CNTN6: variants seen among roughly 807,000 people sequenced by gnomAD.
CNTN6 encodes contactin-6.
A neutral mutation model predicts 122.8 loss-of-function variants in CNTN6; 137 were observed. That is an observed-to-expected ratio of 1.12 (90% CI 0.97 to 1.29). The LOEUF is 1.29. Among genes scored for constraint, CNTN6 ranks in the 50% most tolerant of loss-of-function variants. CNTN6 has a pLI of 0.00. For synonymous variants in CNTN6, 570 were observed against 426.0 expected (o/e 1.34, Z -4.16); for missense variants, 1,634 against 1,223.4 (o/e 1.34, Z -5.01).
intron 4 of CNTN6, among the ~76,000 whole-genome samples, chr3:1,245,770 A>C (rs957161550): frequency 1.3e-5 from 2 of 152,126 alleles, no homozygotes; most frequent in Non-Finnish European, 2.9e-5. Context: ...AAATACAAAT[A>C]ATAAAGAGTT....
At chr3:1,098,789 CATATAT>C (rs1169127167) in intron 1 of CNTN6, among the ~76,000 whole-genome samples, 11 of 63,264 alleles carry the variant, frequency 1.7e-4, no homozygotes, top group Non-Finnish European at 2.7e-4. Flanking sequence ...CACACACACA[CATATAT>C]ATATATATAT....
chr3:1,325,094 G>A (rs761344070), intron 8 of CNTN6, among the ~76,000 whole-genome samples: 34 of 151,836 alleles, frequency 2.2e-4, no homozygotes, highest in Admixed American at 1.1e-3. Flanking sequence ...TTTCCAACCC[G>A]CCTGTTTCCA....
At chr3:1,213,689 C>A (rs967907573) in intron 2 of CNTN6, among the ~76,000 whole-genome samples, 2 of 151,516 alleles carry the variant, frequency 1.3e-5, no homozygotes, top group African/African-American at 4.8e-5. Flanking sequence ...TAGAAGAATA[C>A]AAATATTTTA....
At chr3:1,369,624 A>G (rs930900248) in intron 12 of CNTN6, among the ~76,000 whole-genome samples, 1 of 152,172 alleles carries the variant, frequency 6.6e-6, no homozygotes, top group African/African-American at 2.4e-5. Flanking sequence ...ATGTGGTGTC[A>G]TAAATGGAAG....
At chr3:1,143,810 G>A (rs1196262179) in intron 1 of CNTN6, among the ~76,000 whole-genome samples, 2 of 152,132 alleles carry the variant, frequency 1.3e-5, no homozygotes, top group African/African-American at 4.8e-5. Flanking sequence ...AGATGATAAA[G>A]GGCAACATTT....
At position 1,341,429 on chromosome 3, in the gene CNTN6, A is replaced by G. The variant is rs542249700; in HGVS notation, c.1365-10895A>G. The stretch of plus-strand genomic sequence containing the variant: ...TAAATATTTCTCTTTGGCCTATTTC[A>G]CTGGATTAATTTAGTTAGGCTTTCC... On this transcript the variant is annotated intron_variant, in intron 11 of 22. Transcript: ENST00000446702. Among the ~76,000 whole-genome samples the G allele has an allele frequency of 1.3e-4, 20 of 152,048 alleles. 1 individual carries two copies. The highest frequency in any genetic ancestry group is 4.6e-4 in the Admixed American group (7 of 15,244).
At chr3:1,272,565 A>G (rs557797783) in intron 4 of CNTN6, among the ~76,000 whole-genome samples, 79 of 152,342 alleles carry the variant, frequency 5.2e-4, no homozygotes, top group Non-Finnish European at 6.5e-4. Flanking sequence ...ATTTTTAACA[A>G]CTCAGCTGAG....
intron 4 of CNTN6, among the ~76,000 whole-genome samples, chr3:1,254,777 G>C (rs1207313265): frequency 6.6e-6 from 1 of 152,104 alleles, no homozygotes; most frequent in Non-Finnish European, 1.5e-5. Context: ...GGAAAATTAA[G>C]GTTCATCAAA....
At chr3:1,304,964 C>T (rs1201161383) in intron 7 of CNTN6, among the ~76,000 whole-genome samples, 1 of 113,688 alleles carries the variant, frequency 8.8e-6, no homozygotes, top group East Asian at 3.2e-4. Context: ...GCACTCCAGC[C>T]TAAAGACAGA....
intron 1 of CNTN6, among the ~76,000 whole-genome samples, chr3:1,137,438 C>T (rs2125123987): frequency 6.6e-6 from 1 of 152,232 alleles, no homozygotes; most frequent in African/African-American, 2.4e-5. Flanking sequence ...TGTTAGACTA[C>T]CAGTTGATGA....
intron 6 of CNTN6, among the ~76,000 whole-genome samples, chr3:1,297,291 T>A (rs1696409248): frequency 6.6e-6 from 1 of 152,166 alleles, no homozygotes; most frequent in South Asian, 2.1e-4. Context: ...GAGATGTCAC[T>A]GATTAAATTA....
At chr3:1,236,819 G>A (rs1181132564) in intron 4 of CNTN6, among the ~76,000 whole-genome samples, 2 of 152,118 alleles carry the variant, frequency 1.3e-5, no homozygotes, top group Non-Finnish European at 2.9e-5. Flanking sequence ...GGTGGCTCAC[G>A]CCTGTAATCC....
At position 1,245,299 on chromosome 3, in the gene CNTN6, TA is replaced by T. The variant is rs2094561522; in HGVS notation, c.358+17307del. 1.2e-3 allele frequency among the ~76,000 whole-genome samples: 6 copies of T among 4,872 alleles called. 2 individuals carry two copies. Among genetic ancestry groups the T allele is most frequent in the Admixed American group, 8.5e-3 (3 of 354 alleles). 3.2% of individuals were successfully genotyped at this position (4,872 alleles called of 152,430 possible). On this transcript the variant is annotated intron_variant, in intron 4 of 22. Coordinates refer to ENST00000446702, the MANE Select transcript of CNTN6 (RefSeq NM_001289080.2). ...TACACACACATATATATATAACATA[TA>T]TATATATATATATATATATATATAT...
intron 7 of CNTN6, among the ~76,000 whole-genome samples, chr3:1,318,854 A>C (rs2125959222): frequency 6.6e-6 from 1 of 151,890 alleles, no homozygotes; most frequent in African/African-American, 2.4e-5. Flanking sequence ...GACAGTGTCC[A>C]AAAAGAGATA....
intron 6 of CNTN6, among the ~76,000 whole-genome samples, chr3:1,297,426 G>A (rs9818777): frequency 0.022 from 3,421 of 152,158 alleles, 146 homozygotes; most frequent in African/African-American, 0.078. Context: ...TGGATTGAAA[G>A]TTTTAAAACT....
At chr3:1,313,208 C>T (rs1393924748) in intron 7 of CNTN6, among the ~76,000 whole-genome samples, 1 of 152,062 alleles carries the variant, frequency 6.6e-6, no homozygotes. Flanking sequence ...AAATTATAGA[C>T]AAGCTGTTAG....
chr3:1,093,343 G>A lies in CNTN6; in HGVS notation c.-83+223G>A, dbSNP rs9876055. Among the ~76,000 whole-genome samples, 245 of 152,176 alleles carry A rather than the reference G, an allele frequency of 1.6e-3. 2 individuals are homozygous for A. Among genetic ancestry groups the A allele is most frequent in the African/African-American group, 5.7e-3 (238 of 41,506 alleles). On this transcript the variant is annotated intron_variant, in intron 1 of 22. Transcript: ENST00000446702. The stretch of plus-strand genomic sequence containing the variant: ...AGAAATGTATTGAATCTGTATTCCG[G>A]GAGGTTAGGATCAAACCAGGGAAAG...
chr3:1,260,793 G>A (rs924288712), intron 4 of CNTN6, among the ~76,000 whole-genome samples: 4 of 151,844 alleles, frequency 2.6e-5, no homozygotes, highest in African/African-American at 4.8e-5. Flanking sequence ...ACCTGATGCC[G>A]CCGTGTAAAG....
intron 20 of CNTN6, among the ~76,000 whole-genome samples, chr3:1,398,233 A>G (rs1287133748): frequency 6.6e-6 from 1 of 152,164 alleles, no homozygotes; most frequent in African/African-American, 2.4e-5. Context: ...CAACTATATC[A>G]AACCAGAACT....
Sources: allele counts gnomAD v4.1 joint callset (sites outside exome capture counted in the v4.1 genomes callset), GRCh38; gene constraint gnomAD v4.1.1; transcripts MANE v1.5; gene names NCBI Gene and HGNC (gene_info 2026-07-23, HGNC 2026-07-21).